Variants in CC2D2A observed in about 807,000 individuals in gnomAD.
CC2D2A encodes the protein coiled-coil and C2 domain-containing protein 2A.
A neutral mutation model predicts 212.9 loss-of-function variants in CC2D2A; 155 were observed. The ratio of observed to expected loss-of-function variants is 0.73; its 90% CI spans 0.64 to 0.83. The LOEUF is 0.83. CC2D2A is among the 40% of genes least tolerant of loss of function. The pLI, the probability that CC2D2A is intolerant of heterozygous loss-of-function variation, is 0.00. For synonymous variants in CC2D2A, 667 were observed against 686.5 expected (o/e 0.97, Z 0.44); for missense variants, 1,856 against 1,956.2 (o/e 0.95, Z 0.97).
intron 4 of CC2D2A, among the ~76,000 whole-genome samples, chr4:15,488,752 C>T (rs1715144726): frequency 6.6e-6 from 1 of 152,254 alleles, no homozygotes; most frequent in Non-Finnish European, 1.5e-5. Context: ...CAAGGTCAGG[C>T]TGCATTTAGA....
Position 15,525,420 on chromosome 4 carries a change from A to C in CC2D2A, c.1150-2027A>C, listed in dbSNP as rs73235033. ...TTTGTGAGGTGGAAATTTTTAATTA[A>C]TCCAGGTAATCTGGGTTATAAAACA... On this transcript the variant is annotated intron_variant, in intron 11 of 36. Coordinates refer to ENST00000424120, the MANE Select transcript of CC2D2A (RefSeq NM_001378615.1). Among the ~76,000 whole-genome samples, 6 of 152,320 alleles carry C rather than the reference A, an allele frequency of 3.9e-5. No individual in the cohort carries two copies. In the South Asian group the frequency reaches 8.3e-4, roughly 21 times the overall value.
At chr4:15,550,435 G>A (rs1718937683) in intron 17 of CC2D2A, among the ~76,000 whole-genome samples, 1 of 152,194 alleles carries the variant, frequency 6.6e-6, no homozygotes, top group Non-Finnish European at 1.5e-5. Context: ...CCATCTGGGG[G>A]CATGTCCTTA....
At position 15,515,993 on chromosome 4, in the gene CC2D2A, A is replaced by G. The variant is rs1374354926; in HGVS notation, c.1006A>G (p.Met336Val). The G allele has an allele frequency of 6.3e-7, 1 of 1,592,486 alleles. No individual in the cohort carries two copies. Among genetic ancestry groups the G allele is most frequent in the Admixed American group, 1.7e-5 (1 of 57,160 alleles). Residue 336 changes from methionine (M) to valine (V), a missense_variant, in exon 10 of 37, where the codon ATG becomes GTG. This residue lies in a region of CC2D2A where 1,512 missense variants were observed against 1,579.3 expected (regional missense o/e 0.96). Transcript: ENST00000424120. ...NQNIMENRLLMQDPERRWFGD... is the reference protein window; with the variant it reads ...NQNIMENRLLVQDPERRWFGD... ...GAACATCATGGAGAACAGATTGCTG[A>G]TGCAGGACCCCGTAAGTGTGCACCC...
At chr4:15,590,539 G>C (rs754415282) in intron 33 of CC2D2A, among the ~76,000 whole-genome samples, 9 of 152,074 alleles carry the variant, frequency 5.9e-5, no homozygotes, top group Non-Finnish European at 1.2e-4. Flanking sequence ...TATGCGATCA[G>C]ACTGCCTCAG....
In CC2D2A at chr4:15,534,216, T is replaced by C. The variant is rs61175291; in HGVS notation, c.1607+883T>C. Reference sequence around the variant, plus strand: ...TGGTAATTTGTAGGCATTCTGCATATAACATGGGAATTTGTTAGTGGTGTG... The same window carrying C: ...TGGTAATTTGTAGGCATTCTGCATACAACATGGGAATTTGTTAGTGGTGTG... On this transcript the variant is annotated intron_variant, in intron 14 of 36. Coordinates refer to ENST00000424120, the MANE Select transcript of CC2D2A (RefSeq NM_001378615.1). Among the ~76,000 whole-genome samples, 1,276 of 152,344 alleles carry C rather than the reference T, an allele frequency of 8.4e-3. 8 individuals are homozygous for C. The highest frequency in any genetic ancestry group is 0.027 in the Middle Eastern group (8 of 294).
intron 16 of CC2D2A, among the ~76,000 whole-genome samples, chr4:15,540,260 C>T (rs1207027257): frequency 1.3e-5 from 2 of 151,262 alleles, no homozygotes; most frequent in African/African-American, 2.4e-5. Flanking sequence ...CACATATGTA[C>T]AATAAAATTA....
intron 7 of CC2D2A, 137 bp downstream of exon 7, chr4:15,510,377 A>G (rs1716504398): frequency 2.9e-6 from 2 of 696,442 alleles, no homozygotes; most frequent in South Asian, 3.4e-5. Context: ...AGGCAGATAT[A>G]TTGAGCACAG....
chr4:15,582,177 T>C (rs1236364859), intron 30 of CC2D2A, among the ~76,000 whole-genome samples: 1 of 152,120 alleles, frequency 6.6e-6, no homozygotes, highest in African/African-American at 2.4e-5. Flanking sequence ...AAAGATATAA[T>C]AGTTAAAATT....
chr4:15,512,322 C>T (rs966781025), intron 8 of CC2D2A, among the ~76,000 whole-genome samples: 16 of 152,056 alleles, frequency 1.1e-4, no homozygotes, highest in Admixed American at 8.5e-4. Flanking sequence ...AAGTGTTCAT[C>T]GGAAGATAAA....
chr4:15,571,759 C>A (rs1720180571), intron 28 of CC2D2A, among the ~76,000 whole-genome samples: 1 of 152,084 alleles, frequency 6.6e-6, no homozygotes, highest in Admixed American at 6.5e-5. Context: ...ATTTCCTTCT[C>A]TGAATAGATT....
intron 4 of CC2D2A, chr4:15,481,354 C>CA (rs1432099697): frequency 1.1e-5 from 4 of 367,018 alleles, no homozygotes; most frequent in South Asian, 6.1e-5. Context: ...ACTAAAAATA[C>CA]AAAAAAATTA....
intron 4 of CC2D2A, among the ~76,000 whole-genome samples, chr4:15,491,249 C>G (rs1446697976): frequency 6.6e-6 from 1 of 152,140 alleles, no homozygotes; most frequent in Non-Finnish European, 1.5e-5. Flanking sequence ...ACATCTTTTC[C>G]AATACTTGGT....
intron 29 of CC2D2A, among the ~76,000 whole-genome samples, chr4:15,576,791 T>C (rs1393802310): frequency 6.6e-6 from 1 of 152,274 alleles, no homozygotes; most frequent in African/African-American, 2.4e-5. Flanking sequence ...TGTCCTGCCT[T>C]ATCTTTTGGC....
chr4:15,494,913 T>G (rs947314812), intron 4 of CC2D2A, among the ~76,000 whole-genome samples: 11 of 152,228 alleles, frequency 7.2e-5, no homozygotes, highest in Admixed American at 6.5e-5. Context: ...ATTTATTTTT[T>G]AATTGTCTTT....
At chr4:15,518,698 C>T (rs958567028) in intron 11 of CC2D2A, among the ~76,000 whole-genome samples, 1 of 152,242 alleles carries the variant, frequency 6.6e-6, no homozygotes, top group African/African-American at 2.4e-5. Flanking sequence ...CAGTTCTTGA[C>T]TTCTGTGTAC....
At chr4:15,572,091 A>G (rs2109075831) in intron 28 of CC2D2A, among the ~76,000 whole-genome samples, 1 of 152,328 alleles carries the variant, frequency 6.6e-6, no homozygotes. Flanking sequence ...GGAGCCACAC[A>G]TAACAAGTAG....
At chr4:15,479,262 C>T in intron 3 of CC2D2A, 1 of 1,537,212 alleles carries the variant, frequency 6.5e-7, no homozygotes, top group Non-Finnish European at 8.7e-7. Flanking sequence ...GCAGATCCTC[C>T]CCCACCTCTC....
At chr4:15,562,631 A>G (rs1469264481) in intron 23 of CC2D2A, among the ~76,000 whole-genome samples, 2 of 152,240 alleles carry the variant, frequency 1.3e-5, no homozygotes, top group Non-Finnish European at 2.9e-5. Context: ...TAAGTGCTAG[A>G]GCAGTGTCAG....
chr4:15,601,502 A>G lies in CC2D2A; in HGVS notation c.*77A>G, dbSNP rs1368838705. ...GAAAATTTTAAATTATATGCATCAC[A>G]TCAGAAGAACATATTATTGGCAAAT... is the stretch of plus-strand genomic sequence containing the variant. On this transcript the variant is annotated 3_prime_UTR_variant, in exon 37 of 37. Transcript: ENST00000424120. 2 of 843,116 alleles carry G rather than the reference A, an allele frequency of 2.4e-6. No homozygotes were observed. The highest frequency in any genetic ancestry group is 1.7e-5 in the African/African-American group (1 of 57,724). The allele number at this position is 843,116 out of a possible 1,614,324, so 52.2% of individuals were successfully genotyped here. A position where few individuals can be genotyped will look rare whatever the true frequency, so the allele number is the denominator to read the frequency against.
Sources: gnomAD v4.1 joint callset for allele counts (sites outside exome capture counted in the v4.1 genomes callset) on GRCh38, gnomAD v4.1.1 for gene constraint, gnomAD v4.1.1 regional missense constraint, MANE v1.5 for transcripts, NCBI Gene and HGNC (gene_info 2026-07-23, HGNC 2026-07-21) for gene names.